HS6ST3: variants seen among roughly 807,000 people sequenced by gnomAD.
HS6ST3 encodes the protein heparan sulfate 6-O-sulfotransferase 3.
Under a neutral mutation model 36.7 loss-of-function variants are expected in HS6ST3, and 12 were observed. The ratio of observed to expected loss-of-function variants is 0.33; its 90% CI spans 0.21 to 0.53. HS6ST3 has a LOEUF of 0.53. Ranked by LOEUF, HS6ST3 falls within the 20% of genes least tolerant of loss-of-function variation. HS6ST3 has a pLI of 0.95. For missense variants in HS6ST3, 584 were observed against 640.9 expected, an observed-to-expected ratio of 0.91 and a Z score of 0.96; for synonymous variants, 240 against 257.5, an observed-to-expected ratio of 0.93 and a Z score of 0.65.
chr13:96,183,552 G>A (rs2054250107), intron 1 of HS6ST3, among the ~76,000 whole-genome samples: 1 of 151,970 alleles, frequency 6.6e-6, no homozygotes, highest in Non-Finnish European at 1.5e-5. Flanking sequence ...ATGTTGTTGT[G>A]GGTTCCATTA....
chr13:96,562,949 A>C (rs1477430779), intron 1 of HS6ST3, among the ~76,000 whole-genome samples: 1 of 151,728 alleles, frequency 6.6e-6, no homozygotes, highest in Non-Finnish European at 1.5e-5. Flanking sequence ...CCAGGTGGAA[A>C]CTGTCAGGTT....
chr13:96,519,260 C>A lies in HS6ST3; in HGVS notation c.708-313230C>A, dbSNP rs537050029. On this transcript the variant is annotated intron_variant, in intron 1 of 1. Transcript: ENST00000376705. ...TGGTCTCAGTTCTGATTGACTCTAACATTTTCCTAATTGCCTACCAGGATT... is the reference window on the plus strand; with the variant it reads ...TGGTCTCAGTTCTGATTGACTCTAAAATTTTCCTAATTGCCTACCAGGATT... Among the ~76,000 whole-genome samples, 3 of 152,282 alleles carry A rather than the reference C, an allele frequency of 2.0e-5. No homozygotes were observed. In the South Asian group the frequency reaches 6.2e-4, roughly 32 times the overall value.
chr13:96,696,350 A>G (rs141363603), intron 1 of HS6ST3, among the ~76,000 whole-genome samples: 627 of 152,308 alleles, frequency 4.1e-3, no homozygotes, highest in Non-Finnish European at 8.0e-3. Flanking sequence ...ACAGGCTTTA[A>G]TCTTATCTAC....
chr13:96,305,915 CCTTT>C (rs935374972), intron 1 of HS6ST3, among the ~76,000 whole-genome samples: 1 of 129,158 alleles, frequency 7.7e-6, no homozygotes, highest in Non-Finnish European at 1.6e-5. Context: ...TACCAGATTT[CCTTT>C]CTTTCTTTCT....
Position 96,352,507 on chromosome 13 carries a change from G to A in HS6ST3, c.707+260938G>A, listed in dbSNP as rs561370952. On this transcript the variant is annotated intron_variant, in intron 1 of 1. Coordinates refer to ENST00000376705, the MANE Select transcript of HS6ST3 (RefSeq NM_153456.4). ...GAGCACGCGATCCAAGGGACACGGC[G>A]CAGTGGAAGCAGAAGGGTCTTCTAT... is the stretch of plus-strand genomic sequence containing the variant. Among the ~76,000 whole-genome samples the A allele has an allele frequency of 1.1e-4, 16 of 152,294 alleles. No homozygotes were observed. The East Asian group carries it at 2.1e-3, about 20-fold the overall frequency.
At chr13:96,579,061 C>G (rs1402292287) in intron 1 of HS6ST3, among the ~76,000 whole-genome samples, 1 of 152,090 alleles carries the variant, frequency 6.6e-6, no homozygotes, top group Non-Finnish European at 1.5e-5. Flanking sequence ...TTTGCTTCAT[C>G]ATATTAAAAT....
intron 1 of HS6ST3, among the ~76,000 whole-genome samples, chr13:96,610,225 G>A (rs898465040): frequency 6.6e-6 from 1 of 152,110 alleles, no homozygotes; most frequent in African/African-American, 2.4e-5. Context: ...ACCCTTCTGG[G>A]TCATTGTGAA....
intron 1 of HS6ST3, among the ~76,000 whole-genome samples, chr13:96,317,643 T>C (rs2054982500): frequency 6.6e-6 from 1 of 151,514 alleles, no homozygotes; most frequent in Non-Finnish European, 1.5e-5. Flanking sequence ...CCAAACTGCT[T>C]TCTACGGTGG....
At position 96,421,686 on chromosome 13, in the gene HS6ST3, G is replaced by A. The variant is rs573777389; in HGVS notation, c.707+330117G>A. ...TTCTTTCTTAGTAATCACTAGTAAA[G>A]GTGTTCCTAACTCACCAAGAAGAAT... is the stretch of plus-strand genomic sequence containing the variant. On this transcript the variant is annotated intron_variant, in intron 1 of 1. Transcript: ENST00000376705. Among the ~76,000 whole-genome samples, 17 of 152,168 alleles carry A rather than the reference G, an allele frequency of 1.1e-4. No homozygotes were observed. The East Asian group carries it at 3.1e-3, about 28-fold the overall frequency.
intron 1 of HS6ST3, among the ~76,000 whole-genome samples, chr13:96,187,180 C>G (rs6492840): frequency 0.49 from 73,692 of 151,942 alleles, 17,969 homozygotes; most frequent in Middle Eastern, 0.57. Context: ...CTTTAGTGTG[C>G]CTTTGTAAAA....
intron 1 of HS6ST3, among the ~76,000 whole-genome samples, chr13:96,113,746 T>C (rs2053881270): frequency 1.3e-5 from 2 of 152,152 alleles, no homozygotes; most frequent in African/African-American, 4.8e-5. Flanking sequence ...TGGATGTTTG[T>C]ACCAGGAATC....
At chr13:96,189,463 G>C (rs1290751500) in intron 1 of HS6ST3, among the ~76,000 whole-genome samples, 1 of 152,048 alleles carries the variant, frequency 6.6e-6, no homozygotes, top group African/African-American at 2.4e-5. Flanking sequence ...CTCTAGCATG[G>C]ATCTAGGATG....
intron 1 of HS6ST3, among the ~76,000 whole-genome samples, chr13:96,139,259 T>A (rs2054017558): frequency 6.6e-6 from 1 of 152,098 alleles, no homozygotes; most frequent in East Asian, 1.9e-4. Flanking sequence ...GTATGTGAAA[T>A]AATTCCTGCA....
chr13:96,346,080 C>G (rs1234613060), intron 1 of HS6ST3, among the ~76,000 whole-genome samples: 5 of 152,104 alleles, frequency 3.3e-5, no homozygotes, highest in Non-Finnish European at 5.9e-5. Context: ...AGGCAGAGCT[C>G]AGGTGGTAAT....
chr13:96,267,100 C>T (rs1454519911), intron 1 of HS6ST3, among the ~76,000 whole-genome samples: 1 of 152,160 alleles, frequency 6.6e-6, no homozygotes, highest in East Asian at 1.9e-4. Flanking sequence ...CTCACAAGAT[C>T]TGATGGTTGT....
At chr13:96,443,317 T>G (rs1594781515) in intron 1 of HS6ST3, among the ~76,000 whole-genome samples, 2 of 151,686 alleles carry the variant, frequency 1.3e-5, no homozygotes, top group African/African-American at 4.8e-5. Flanking sequence ...GATCACAAGG[T>G]CAGGAGATTG....
intron 1 of HS6ST3, among the ~76,000 whole-genome samples, chr13:96,405,243 TTA>T (rs1237352210): frequency 6.6e-6 from 1 of 152,240 alleles, no homozygotes; most frequent in Non-Finnish European, 1.5e-5. Context: ...GTTCTATATT[TTA>T]TGTCCGTATA....
At chr13:96,740,581 G>A (rs1594849486) in intron 1 of HS6ST3, among the ~76,000 whole-genome samples, 1 of 152,238 alleles carries the variant, frequency 6.6e-6, no homozygotes, top group East Asian at 1.9e-4. Flanking sequence ...GCCTATTTGG[G>A]TTTGTTAATC....
At chr13:96,176,941 C>T (rs1332558895) in intron 1 of HS6ST3, among the ~76,000 whole-genome samples, 1 of 152,020 alleles carries the variant, frequency 6.6e-6, no homozygotes, top group African/African-American at 2.4e-5. Context: ...AACAAACAAC[C>T]CTGTTAAAAA....
Sources: allele counts gnomAD v4.1 joint callset (sites outside exome capture counted in the v4.1 genomes callset), GRCh38; gene constraint gnomAD v4.1.1; transcripts MANE v1.5; gene names NCBI Gene and HGNC (gene_info 2026-07-23, HGNC 2026-07-21).